The following UXS1 variants were observed in gnomAD, a reference collection of about 807,000 sequenced individuals.
UXS1 encodes UDP-glucuronic acid decarboxylase 1.
UXS1 carries 33 observed loss-of-function variants against 62.6 expected under a neutral mutation model. The ratio of observed to expected loss-of-function variants is 0.53; its 90% CI spans 0.40 to 0.70. The LOEUF (loss-of-function observed/expected upper bound fraction) is 0.70, where lower values mean the gene tolerates loss of function less well. UXS1 is among the 30% of genes least tolerant of loss of function. The pLI is 0.00. For missense variants in UXS1, 434 were observed against 556.3 expected (o/e 0.78, Z 2.21); for synonymous variants, 213 against 206.8 (o/e 1.03, Z -0.26).
chr2:106,179,051 A>C (rs1684080120), intron 1 of UXS1, among the ~76,000 whole-genome samples: 1 of 152,118 alleles, frequency 6.6e-6, no homozygotes, highest in Non-Finnish European at 1.5e-5. Flanking sequence ...CTGTGCAGCA[A>C]AGCCCTGCAT....
chr2:106,170,685 G>A (rs562594169), intron 1 of UXS1, among the ~76,000 whole-genome samples: 1 of 152,288 alleles, frequency 6.6e-6, no homozygotes, highest in Non-Finnish European at 1.5e-5. Context: ...ACACAGCAAA[G>A]CAGGACAAAC....
chr2:106,140,096 A>G (rs1380919707), intron 6 of UXS1, among the ~76,000 whole-genome samples: 2 of 152,258 alleles, frequency 1.3e-5, no homozygotes, highest in East Asian at 1.9e-4. Flanking sequence ...CTCTCGGCAC[A>G]AAGAAGCAGA....
At chr2:106,187,984 C>T (rs1684680248) in intron 1 of UXS1, among the ~76,000 whole-genome samples, 1 of 152,170 alleles carries the variant, frequency 6.6e-6, no homozygotes, top group African/African-American at 2.4e-5. Flanking sequence ...TCAGGTGATC[C>T]ACCTGCCTTG....
intron 1 of UXS1, among the ~76,000 whole-genome samples, chr2:106,175,086 T>C (rs760911510): frequency 9.2e-5 from 14 of 152,222 alleles, no homozygotes; most frequent in Non-Finnish European, 2.1e-4. Context: ...CGAAGCCTCC[T>C]GGAATGTGAA....
chr2:106,108,846 A>T, intron 10 of UXS1, among the ~76,000 whole-genome samples: 1 of 152,196 alleles, frequency 6.6e-6, no homozygotes, highest in East Asian at 1.9e-4. Flanking sequence ...AACTTCGTTC[A>T]GCCTCGAGTA....
intron 13 of UXS1, 56 bp from the exon 14 acceptor site, chr2:106,096,877 C>G (rs898638392): frequency 2.0e-6 from 3 of 1,490,742 alleles, no homozygotes; most frequent in Middle Eastern, 1.7e-4. Context: ...TGGGTAAGCA[C>G]AGCCTTACCA....
intron 7 of UXS1, among the ~76,000 whole-genome samples, chr2:106,128,282 C>T (rs1424929218): frequency 6.6e-6 from 1 of 152,138 alleles, no homozygotes; most frequent in Non-Finnish European, 1.5e-5. Flanking sequence ...GAGACGGTAA[C>T]AAAGAAGATA....
chr2:106,141,913 C>T (rs903900829), intron 6 of UXS1, among the ~76,000 whole-genome samples: 2 of 151,468 alleles, frequency 1.3e-5, no homozygotes, highest in African/African-American at 4.9e-5. Context: ...TTCTGTCACC[C>T]AGGCTGGAGT....
intron 9 of UXS1, among the ~76,000 whole-genome samples, chr2:106,120,595 T>C (rs1679445768): frequency 6.6e-6 from 1 of 152,226 alleles, no homozygotes; most frequent in South Asian, 2.1e-4. Context: ...TTTACTGACC[T>C]GTTGGCCAAG....
intron 6 of UXS1, among the ~76,000 whole-genome samples, chr2:106,139,988 A>T (rs1235671772): frequency 3.3e-5 from 5 of 152,250 alleles, no homozygotes; most frequent in African/African-American, 1.2e-4. Context: ...GTGAAGTCTC[A>T]CAGCATGGCC....
chr2:106,122,239 A>G (rs897927524), intron 9 of UXS1, among the ~76,000 whole-genome samples: 4 of 152,262 alleles, frequency 2.6e-5, no homozygotes, highest in Admixed American at 6.5e-5. Context: ...GTGAAAATTC[A>G]GACCCAAGCC....
intron 1 of UXS1, among the ~76,000 whole-genome samples, chr2:106,171,364 T>G (rs532921635): frequency 1.3e-5 from 2 of 152,320 alleles, no homozygotes; most frequent in Admixed American, 1.3e-4. Context: ...ATCAATCCTT[T>G]TAGAATACAG....
At chr2:106,110,555 G>T (rs1213179548) in intron 10 of UXS1, among the ~76,000 whole-genome samples, 1 of 152,154 alleles carries the variant, frequency 6.6e-6, no homozygotes, top group African/African-American at 2.4e-5. Context: ...TGGACTAAGG[G>T]GTTCGCAGGT....
chr2:106,136,706 GAAC>G (rs1322172293), intron 6 of UXS1, among the ~76,000 whole-genome samples: 1 of 53,564 alleles, frequency 1.9e-5, no homozygotes, highest in African/African-American at 7.4e-5. Context: ...GGTGGGAATT[GAAC>G]AATGAGATCA....
intron 14 of UXS1, among the ~76,000 whole-genome samples, chr2:106,095,339 G>A (rs1005232164): frequency 2.6e-5 from 4 of 152,210 alleles, no homozygotes; most frequent in Admixed American, 6.5e-5. Context: ...TCGATTTTGT[G>A]AAGTCTGGGT....
intron 1 of UXS1, among the ~76,000 whole-genome samples, chr2:106,189,589 A>G (rs1387111189): frequency 1.3e-5 from 2 of 152,210 alleles, no homozygotes; most frequent in African/African-American, 2.4e-5. Flanking sequence ...GAGGCCATCA[A>G]GCTCAGGGAG....
chr2:106,189,745 G>A (rs1345816227), intron 1 of UXS1, among the ~76,000 whole-genome samples: 1 of 152,106 alleles, frequency 6.6e-6, no homozygotes, highest in Non-Finnish European at 1.5e-5. Flanking sequence ...CAATACTGGA[G>A]GCCAAAAAGG....
intron 14 of UXS1, 67 bp from the exon 15 acceptor site, chr2:106,094,224 G>C (rs1312292494): frequency 1.2e-6 from 2 of 1,602,728 alleles, no homozygotes; most frequent in African/African-American, 2.7e-5. Context: ...CAGGAAGGAA[G>C]TGCCACCTTG....
chr2:106,100,327 A>C (rs1267380667), intron 12 of UXS1, among the ~76,000 whole-genome samples: 5 of 152,164 alleles, frequency 3.3e-5, no homozygotes, highest in African/African-American at 4.8e-5. Context: ...ACCAAGGAGG[A>C]GGCAGCTTAG....
Sources: allele counts gnomAD v4.1 joint callset (sites outside exome capture counted in the v4.1 genomes callset), GRCh38; gene constraint gnomAD v4.1.1; transcripts MANE v1.5; gene names NCBI Gene and HGNC (gene_info 2026-07-23, HGNC 2026-07-21).